Variants in LRWD1 observed in about 807,000 individuals in gnomAD.
LRWD1 encodes the protein leucine rich repeats and WD repeat domain containing 1, also known as leucine-rich repeat and WD repeat-containing protein 1.
In LRWD1, 76 loss-of-function variants were observed where a neutral mutation model predicts 75.6. That is an observed-to-expected ratio of 1.01 (90% CI 0.84 to 1.22). LRWD1 has a LOEUF of 1.22. LRWD1 is among the 50% of genes most tolerant of loss of function. The pLI is 0.00. For missense variants in LRWD1, 917 were observed against 862.0 expected (o/e 1.06, Z -0.80); for synonymous variants, 487 against 377.0 (o/e 1.29, Z -3.38).
rs1341287358 is a variant in LRWD1, at chr7:102,468,517, T to A, written c.920-37T>A. 4 of 1,552,346 alleles carry A rather than the reference T, an allele frequency of 2.6e-6. No homozygotes were observed. The African/African-American group carries it at 5.5e-5, about 21-fold the overall frequency. ...GCAGGGAGGACCTAGATGGGAAATG[T>A]CTCTGCTCATCCGACCTCTCAAAAC... is the stretch of plus-strand genomic sequence containing the variant. On this transcript the variant is annotated intron_variant, in intron 7 of 14. Coordinates refer to ENST00000292616, the MANE Select transcript of LRWD1 (RefSeq NM_152892.3).
At chr7:102,465,616 T>G in intron 1 of LRWD1, 1 of 506,116 alleles carries the variant, frequency 2.0e-6, no homozygotes, top group Non-Finnish European at 3.5e-6. Flanking sequence ...AGCCCAGGAG[T>G]TGGAGGCAGC....
At chr7:102,467,635 C>T (rs1453311783) in intron 4 of LRWD1, 84 bp from the exon 5 acceptor site, 2 of 1,508,444 alleles carry the variant, frequency 1.3e-6, no homozygotes, top group Non-Finnish European at 1.8e-6. Context: ...ACTCTGGAAG[C>T]ATAAGCTCCC....
intron 1 of LRWD1, 49 bp downstream of exon 1, chr7:102,465,209 G>A: frequency 7.2e-7 from 1 of 1,394,018 alleles, no homozygotes; most frequent in Non-Finnish European, 9.3e-7. Context: ...CCGGGCGGTC[G>A]GGGAGAAGAG....
chr7:102,467,164 T>TGGGGG (rs1798020194), intron 3 of LRWD1, among the ~76,000 whole-genome samples, 175 bp from the exon 4 acceptor site: 1 of 60,104 alleles, frequency 1.7e-5, no homozygotes, highest in Admixed American at 1.9e-4. Context: ...TGCTGGGGTG[T>TGGGGG]GTGTGGGGTG....
chr7:102,467,171 G>GTGTATGT (rs1554579596), intron 3 of LRWD1, among the ~76,000 whole-genome samples, 168 bp from the exon 4 acceptor site: 2 of 99,116 alleles, frequency 2.0e-5, no homozygotes, highest in South Asian at 3.4e-4. Flanking sequence ...GTGTGTGTGG[G>GTGTATGT]GTGTGTGTGT....
Position 102,469,075 on chromosome 7 carries a change from C to T in LRWD1, c.1228+13C>T, listed in dbSNP as rs988973571. The stretch of plus-strand genomic sequence containing the variant: ...ACCCATCTCTTCAGTAAGCCCCTCC[C>T]CTTCACCCCTGGGACCCCCAAGCAC... On this transcript the variant is annotated intron_variant, in intron 9 of 14. Transcript: ENST00000292616. 1.3e-6 allele frequency: 2 copies of T among 1,582,004 alleles called. No individual in the cohort carries two copies. The highest frequency in any genetic ancestry group is 1.7e-6 in the Non-Finnish European group (2 of 1,162,616).
At chr7:102,470,477 C>T (rs1157628683) in intron 11 of LRWD1, 1 of 152,436 alleles carries the variant, frequency 6.6e-6, no homozygotes, top group Non-Finnish European at 1.5e-5. Context: ...GGCAGAGGGA[C>T]ACTAGCGTGG....
At chr7:102,469,239 C>T (rs975431807) in intron 9 of LRWD1, among the ~76,000 whole-genome samples, 177 bp downstream of exon 9, 13 of 152,220 alleles carry the variant, frequency 8.5e-5, no homozygotes, top group Non-Finnish European at 1.3e-4. Context: ...CTGGCTTTAT[C>T]CACAGCCTGC....
chr7:102,467,557 G>A, intron 4 of LRWD1, 78 bp downstream of exon 4: 2 of 1,581,292 alleles, frequency 1.3e-6, no homozygotes, highest in Non-Finnish European at 1.7e-6. Context: ...GCCATGAAGG[G>A]CTGAGGGGCT....
rs1245223810 is a variant in LRWD1, at chr7:102,467,171, G to GGGT, written c.433-167_433-166insGTG. Reference sequence around the variant, plus strand: ...TGGGTTGTTGCTGGGGTGTGTGTGGGGTGTGTGTGTGTGTGTGTGTGTGTG... The same window carrying GGGT: ...TGGGTTGTTGCTGGGGTGTGTGTGGGGGTGTGTGTGTGTGTGTGTGTGTGTGTG... On this transcript the variant is annotated intron_variant, in intron 3 of 14. Coordinates refer to ENST00000292616, the MANE Select transcript of LRWD1 (RefSeq NM_152892.3). Among the ~76,000 whole-genome samples, 82 of 99,148 alleles carry GGGT rather than the reference G, an allele frequency of 8.3e-4. 5 individuals are homozygous for GGGT. The highest frequency in any genetic ancestry group is 7.4e-3 in the Admixed American group (68 of 9,246). The allele number at this position is 99,148 out of a possible 152,430, so 65.0% of individuals were successfully genotyped here. A position where few individuals can be genotyped will look rare whatever the true frequency, so the allele number is the denominator to read the frequency against.
Position 102,472,776 on chromosome 7 carries a change from TGCCGGCA to T in LRWD1, c.1779_1785del (p.Ala594CysfsTer8). On this transcript the variant is annotated frameshift_variant, in exon 14 of 15. Transcript: ENST00000292616. LOFTEE classifies it high-confidence loss of function. ...AACATCCTGAAGCAGCCACCCCTGC[TGCCGGCA>T]GCCCTGCAGGCCCCCACACAGGTAC... The T allele has an allele frequency of 6.2e-7, 1 of 1,613,448 alleles. No individual in the cohort carries two copies. Among genetic ancestry groups the T allele is most frequent in the Non-Finnish European group, 8.5e-7 (1 of 1,179,934 alleles).
rs867422890 is a variant in LRWD1, at chr7:102,465,074, C to T, written c.-7C>T. ...GACTGGGTCAGCGCGGGCTGCGCCT[C>T]CTCGCCATGGGCCCCCTCTCGGCGC... On this transcript the variant is annotated 5_prime_UTR_variant, in exon 1 of 15. Transcript: ENST00000292616. 8.1e-6 allele frequency: 12 copies of T among 1,483,804 alleles called. No individual in the cohort carries two copies. Among genetic ancestry groups the T allele is most frequent in the South Asian group, 2.6e-5 (2 of 76,784 alleles). 91.9% of individuals were successfully genotyped at this position (1,483,804 alleles called of 1,614,324 possible). A position where few individuals can be genotyped will look rare whatever the true frequency, so the allele number is the denominator to read the frequency against.
At position 102,472,757 on chromosome 7, in the gene LRWD1, C is replaced by T. The variant is rs965132426; in HGVS notation, c.1756C>T (p.Leu586=). ...GTGGCTCTACGACGTCAGCAACATC[C>T]TGAAGCAGCCACCCCTGCTGCCGGC... ...NVWLYDVSNI[L]KQPPLLPAAL... The change falls in exon 14 of 15, where the codon CTG becomes TTG. Residue 586 remains leucine, a synonymous_variant. Coordinates refer to ENST00000292616, the MANE Select transcript of LRWD1 (RefSeq NM_152892.3). The T allele has an allele frequency of 6.2e-7, 1 of 1,613,490 alleles. No individual in the cohort carries two copies. The highest frequency in any genetic ancestry group is 8.5e-7 in the Non-Finnish European group (1 of 1,179,966).
chr7:102,470,182 T>G, intron 11 of LRWD1: 1 of 374,262 alleles, frequency 2.7e-6, no homozygotes, highest in Non-Finnish European at 4.8e-6. Flanking sequence ...ATCAGCAGTG[T>G]GATGGTCCTC....
Position 102,468,076 on chromosome 7 carries a change from C to T in LRWD1, c.693C>T (p.Ala231=), listed in dbSNP as rs1211100830. Residue 231 remains alanine, a synonymous_variant, in exon 6 of 15, where the codon GCC becomes GCT. Transcript: ENST00000292616. ...CCCCTCCACAGGCCAGACTGGCGGCCTTGAAACGGCCAGACGACGTCCCAC... is the reference window on the plus strand; with the variant it reads ...CCCCTCCACAGGCCAGACTGGCGGCTTTGAAACGGCCAGACGACGTCCCAC... The part of the protein sequence containing the change: ...AAHKPRARLA[A]LKRPDDVPLS... The T allele has an allele frequency of 1.2e-6, 2 of 1,608,802 alleles. No homozygotes were observed. The highest frequency in any genetic ancestry group is 2.2e-5 in the South Asian group (2 of 90,924).
chr7:102,467,665 G>C, intron 4 of LRWD1, 54 bp from the exon 5 acceptor site: 2 of 1,535,130 alleles, frequency 1.3e-6, no homozygotes, highest in Middle Eastern at 1.7e-4. Flanking sequence ...GCATCGGCAG[G>C]GCTGGGGGCA....
chr7:102,468,445 A>G, intron 7 of LRWD1, 68 bp downstream of exon 7: 1 of 1,540,438 alleles, frequency 6.5e-7, no homozygotes, highest in Non-Finnish European at 8.8e-7. Context: ...GTGGGGGATC[A>G]GGAGACAGAG....
At chr7:102,466,343 A>G (rs1203753519) in intron 3 of LRWD1, 73 bp downstream of exon 3, 8 of 1,271,176 alleles carry the variant, frequency 6.3e-6, no homozygotes, top group Non-Finnish European at 3.4e-6. Context: ...ATTGGACATC[A>G]GGAGGATGTT....
chr7:102,467,304 T>A (rs1586738785), intron 3 of LRWD1, 35 bp from the exon 4 acceptor site: 1 of 1,560,020 alleles, frequency 6.4e-7, no homozygotes, highest in South Asian at 1.2e-5. Context: ...GGAGCTGGGG[T>A]GGGCCGGGCC....
Sources: allele counts gnomAD v4.1 joint callset (sites outside exome capture counted in the v4.1 genomes callset), GRCh38; gene constraint gnomAD v4.1.1; transcripts MANE v1.5; gene names NCBI Gene and HGNC (gene_info 2026-07-23, HGNC 2026-07-21).